The following ZNF90 variants were observed in gnomAD, a reference collection of about 807,000 sequenced individuals.
ZNF90 encodes the protein zinc finger protein 90, also known as zinc finger protein HTF9.
In ZNF90, 11 loss-of-function variants were observed where a neutral mutation model predicts 12.0. That is an observed-to-expected ratio of 0.92 (90% CI 0.58 to 1.52). The LOEUF is 1.52. Ranked by LOEUF, ZNF90 falls within the 40% of genes most tolerant of loss-of-function variation. The pLI is 0.00. For missense variants in ZNF90, 765 were observed against 711.5 expected, an observed-to-expected ratio of 1.08 and a Z score of -0.86; for synonymous variants, 232 against 240.1, an observed-to-expected ratio of 0.97 and a Z score of 0.31.
At chr19:20,114,758 G>C (rs1555705483) in intron 3 of ZNF90, among the ~76,000 whole-genome samples, 1 of 152,096 alleles carries the variant, frequency 6.6e-6, no homozygotes, top group Non-Finnish European at 1.5e-5. Context: ...TGATGTTGTT[G>C]AGGAGTGTTC....
chr19:20,089,769 G>A (rs1370637070), intron 1 of ZNF90, among the ~76,000 whole-genome samples: 4 of 152,174 alleles, frequency 2.6e-5, no homozygotes, highest in South Asian at 4.1e-4. Context: ...AAGGAAGTTC[G>A]GAGGTGTAGG....
chr19:20,079,306 GTTT>G (rs34761787), intron 1 of ZNF90, among the ~76,000 whole-genome samples: 3 of 135,938 alleles, frequency 2.2e-5, no homozygotes, highest in African/African-American at 5.3e-5. Context: ...CAAAAGGAGG[GTTT>G]TTTTTTTTTT....
chr19:20,118,631 T>A lies in ZNF90; in HGVS notation c.1077T>A (p.His359Gln). Residue 359 changes from histidine to glutamine, a missense_variant, in exon 4 of 4, where the codon CAT becomes CAA. Coordinates refer to ENST00000418063, the MANE Select transcript of ZNF90 (RefSeq NM_007138.2). ...GGCGCTCCTTAGTCCTTCGTACACA[T>A]AAGAGAATTCATACTGGAGAGAAAC... Reference protein sequence around the residue: ...AFRRSLVLRTHKRIHTGEKPY... With the variant: ...AFRRSLVLRTQKRIHTGEKPY... 6.2e-7 allele frequency: 1 copy of A among 1,611,952 alleles called. No homozygotes were observed. The highest frequency in any genetic ancestry group is 1.1e-5 in the South Asian group (1 of 90,774).
In ZNF90 at chr19:20,114,577, A is replaced by G. The variant is rs974016803; in HGVS notation, c.227-3204A>G. Among the ~76,000 whole-genome samples, 5 of 152,206 alleles carry G rather than the reference A, an allele frequency of 3.3e-5. No homozygotes were observed. In the East Asian group the frequency reaches 9.7e-4, roughly 29 times the overall value. On this transcript the variant is annotated intron_variant, in intron 3 of 3. Transcript: ENST00000418063. The stretch of plus-strand genomic sequence containing the variant: ...AATATGTGTTGTATCATTTCTATAT[A>G]TTTGTACATTTATTAATTATTTGTA...
rs200195654 is a variant in ZNF90, at chr19:20,119,055, A to G, written c.1501A>G (p.Ile501Val). ...CTCCTCAGCCCTTAGCACACATAAG[A>G]TAATTCACAGTGGAGAGAATCCCTA... is the stretch of plus-strand genomic sequence containing the variant. The part of the protein sequence containing the change: ...KYSSALSTHK[I>V]IHSGENPYKC... Residue 501 changes from isoleucine (I) to valine (V), a missense_variant, in exon 4 of 4, where the codon ATA becomes GTA. Physicochemically the swap from Ile to Val is conservative, Grantham distance 29. Coordinates refer to ENST00000418063, the MANE Select transcript of ZNF90 (RefSeq NM_007138.2). The G allele has an allele frequency of 1.5e-4, 241 of 1,610,522 alleles. 1 individual carries two copies. The highest frequency in any genetic ancestry group is 1.0e-4 in the Admixed American group (6 of 59,278).
chr19:20,093,864 C>A (rs938359166), intron 1 of ZNF90, among the ~76,000 whole-genome samples: 1 of 148,080 alleles, frequency 6.8e-6, no homozygotes, highest in Non-Finnish European at 1.5e-5. Context: ...GCTTCCGAGG[C>A]GATCGGGCAA....
At chr19:20,100,265 T>G (rs192604259) in intron 1 of ZNF90, among the ~76,000 whole-genome samples, 1 of 152,290 alleles carries the variant, frequency 6.6e-6, no homozygotes, top group East Asian at 1.9e-4. Context: ...ACCTTTTACT[T>G]AGGCATTGAT....
intron 1 of ZNF90, among the ~76,000 whole-genome samples, chr19:20,086,232 C>CTTT (rs59433953): frequency 1.3e-3 from 127 of 99,680 alleles, no homozygotes; most frequent in East Asian, 2.9e-3. Flanking sequence ...ATTTTCTTTT[C>CTTT]TTTTTTTTTT....
chr19:20,103,101 A>C (rs2089003039), intron 1 of ZNF90, among the ~76,000 whole-genome samples: 1 of 152,162 alleles, frequency 6.6e-6, no homozygotes, highest in Non-Finnish European at 1.5e-5. Context: ...ACAGTTTGAG[A>C]GAGAAAGGTG....
intron 3 of ZNF90, among the ~76,000 whole-genome samples, chr19:20,110,349 G>A (rs2089076828): frequency 6.6e-6 from 1 of 151,956 alleles, no homozygotes; most frequent in South Asian, 2.1e-4. Context: ...TGTGATCTTG[G>A]CTCACTGCAA....
intron 1 of ZNF90, among the ~76,000 whole-genome samples, chr19:20,095,884 G>A (rs550015398): frequency 2.6e-5 from 4 of 152,272 alleles, no homozygotes; most frequent in East Asian, 1.9e-4. Context: ...GGGACTTGCC[G>A]CTAAGGGTGA....
chr19:20,105,002 AAAAC>A (rs1422465202), intron 2 of ZNF90, among the ~76,000 whole-genome samples: 5 of 152,008 alleles, frequency 3.3e-5, no homozygotes, highest in Non-Finnish European at 4.4e-5. Context: ...GAAAAAACAA[AAAAC>A]AAACAAAAAA....
In ZNF90 at chr19:20,119,234, T is replaced by C. The variant is rs2089174918; in HGVS notation, c.1680T>C (p.Thr560=). The C allele has an allele frequency of 1.2e-6, 2 of 1,613,888 alleles. No homozygotes were observed. The highest frequency in any genetic ancestry group is 1.7e-6 in the Non-Finnish European group (2 of 1,179,926). ...TTACTAGTCATAAGATAAGTCATAC[T>C]GGAGAGAAACCCTACAAATGTGAAG... ...SQLTSHKISH[T]GEKPYKCEEC... is the part of the protein sequence containing the mutation. Residue 560 remains threonine, a synonymous_variant, in exon 4 of 4, where the codon ACT becomes ACC. Transcript: ENST00000418063.
intron 1 of ZNF90, among the ~76,000 whole-genome samples, chr19:20,086,680 C>G (rs2088862051): frequency 6.6e-6 from 1 of 152,102 alleles, no homozygotes; most frequent in African/African-American, 2.4e-5. Context: ...TAATTTTAAA[C>G]TATACACATA....
intron 1 of ZNF90, among the ~76,000 whole-genome samples, chr19:20,097,616 T>C (rs2088958862): frequency 6.6e-6 from 1 of 152,126 alleles, no homozygotes. Context: ...CTTTCTACTC[T>C]GCTAAAATGC....
At position 20,105,223 on chromosome 19, in the gene ZNF90, A is replaced by G. The variant is rs1568288678; in HGVS notation, c.133A>G (p.Ile45Val). 2 of 1,600,262 alleles carry G rather than the reference A, an allele frequency of 1.2e-6. No homozygotes were observed. Among genetic ancestry groups the G allele is most frequent in the Admixed American group, 1.7e-5 (1 of 58,354 alleles). ...ENYRHLVFLG[I>V]VVTKPDLITC... ...GTTATTTATTTTTAATAAAACAGGT[A>G]TTGTTGTCACTAAGCCAGACCTGAT... Residue 45 changes from isoleucine (I) to valine (V), a missense_variant and splice_region_variant, in exon 3 of 4, where the codon ATT becomes GTT. By Grantham distance (29) the Ile-to-Val change is conservative (BLOSUM62 3). Transcript: ENST00000418063.
chr19:20,105,573 T>C lies in ZNF90; in HGVS notation c.226+257T>C, dbSNP rs183668606. Among the ~76,000 whole-genome samples the C allele has an allele frequency of 5.5e-3, 843 of 152,338 alleles. 6 individuals carry two copies. Among genetic ancestry groups the C allele is most frequent in the Non-Finnish European group, 8.5e-3 (581 of 68,026 alleles). On this transcript the variant is annotated intron_variant, in intron 3 of 3. Transcript: ENST00000418063. ...CTTCACAGTGAGAGCCAGAGTCCTC[T>C]TCATGGCATATAAGAGACTGCACAA...
intron 1 of ZNF90, among the ~76,000 whole-genome samples, chr19:20,085,374 C>T (rs2122476816): frequency 6.6e-6 from 1 of 151,386 alleles, no homozygotes; most frequent in East Asian, 2.0e-4. Flanking sequence ...ATTCTCCTGC[C>T]TCAGCCTCCC....
At chr19:20,090,406 G>A (rs1166487401) in intron 1 of ZNF90, among the ~76,000 whole-genome samples, 4 of 152,032 alleles carry the variant, frequency 2.6e-5, no homozygotes, top group African/African-American at 9.7e-5. Flanking sequence ...ACTTAAGTGG[G>A]GGAGAGTACT....
Sources: allele counts gnomAD v4.1 joint callset (sites outside exome capture counted in the v4.1 genomes callset), GRCh38; gene constraint gnomAD v4.1.1; transcripts MANE v1.5; gene names NCBI Gene and HGNC (gene_info 2026-07-23, HGNC 2026-07-21).